Variants in NAALADL2 observed in about 807,000 individuals in gnomAD.
The protein encoded by NAALADL2 is N-acetylated alpha-linked acidic dipeptidase like 2.
A neutral mutation model predicts 87.2 loss-of-function variants in NAALADL2; 76 were observed. The observed-to-expected ratio is 0.87, with a 90% CI of 0.72 to 1.05. The LOEUF (loss-of-function observed/expected upper bound fraction) is 1.05, where lower values mean the gene tolerates loss of function less well. NAALADL2 is among the 50% of genes least tolerant of loss of function. The probability of loss-of-function intolerance (pLI) is 0.00; values close to 1 mark genes in which losing one functional copy is unlikely to be tolerated. For missense variants in NAALADL2, 1,089 were observed against 945.8 expected (o/e 1.15, Z -1.99); for synonymous variants, 354 against 331.0 (o/e 1.07, Z -0.75).
intron 2 of NAALADL2, chr3:174,551,129 A>G (rs1218021209): frequency 3.3e-5 from 5 of 152,130 alleles, no homozygotes; most frequent in African/African-American, 1.2e-4. Flanking sequence ...TATCTTCTAA[A>G]GCTATCCCTG....
intron 1 of NAALADL2, among the ~76,000 whole-genome samples, chr3:175,047,545 T>G (rs1213544205): frequency 6.6e-6 from 1 of 152,118 alleles, no homozygotes; most frequent in Non-Finnish European, 1.5e-5. Flanking sequence ...AGTTGTAACA[T>G]ACATAGAAAC....
intron 9 of NAALADL2, among the ~76,000 whole-genome samples, chr3:175,550,221 T>C (rs73884444): frequency 0.012 from 1,828 of 152,260 alleles, 41 homozygotes; most frequent in African/African-American, 0.042. Flanking sequence ...AACATGATAT[T>C]TTAAAAGTAT....
intron 1 of NAALADL2, among the ~76,000 whole-genome samples, chr3:174,890,718 A>G (rs1470315565): frequency 2.0e-5 from 3 of 152,146 alleles, no homozygotes; most frequent in Non-Finnish European, 4.4e-5. Flanking sequence ...TAACATATGC[A>G]TAATATCAGA....
chr3:175,707,786 T>A (rs941937429), intron 11 of NAALADL2, among the ~76,000 whole-genome samples: 1 of 152,078 alleles, frequency 6.6e-6, no homozygotes, highest in African/African-American at 2.4e-5. Flanking sequence ...AAAAGGTAGA[T>A]CTTGACCCTG....
intron 5 of NAALADL2, among the ~76,000 whole-genome samples, chr3:175,343,114 A>C (rs1038743597): frequency 1.3e-5 from 2 of 152,076 alleles, no homozygotes; most frequent in African/African-American, 2.4e-5. Flanking sequence ...ATAACTTTCA[A>C]AGCAGTATAT....
chr3:175,524,310 G>T (rs1560701584), intron 9 of NAALADL2, among the ~76,000 whole-genome samples: 1 of 152,262 alleles, frequency 6.6e-6, no homozygotes, highest in East Asian at 1.9e-4. Flanking sequence ...ATTATCTAGA[G>T]CAAGGTTTCT....
At chr3:174,854,845 T>C (rs1242860441), upstream of NAALADL2, among the ~76,000 whole-genome samples, 24 of 145,422 alleles carry the variant, frequency 1.7e-4, no homozygotes, top group African/African-American at 4.6e-4. Flanking sequence ...CTTTTTTTTT[T>C]TTTTTTTTTT....
intron 2 of NAALADL2, among the ~76,000 whole-genome samples, chr3:175,142,590 C>T (rs1177463129): frequency 1.3e-5 from 2 of 151,058 alleles, no homozygotes; most frequent in Admixed American, 6.6e-5. Context: ...TATTCCCAAC[C>T]GTCCTCTATT....
At chr3:174,679,649 C>G (rs1376686119) in intron 2 of NAALADL2, among the ~76,000 whole-genome samples, 2 of 152,142 alleles carry the variant, frequency 1.3e-5, no homozygotes, top group Non-Finnish European at 2.9e-5. Context: ...TCGTTCCACC[C>G]ACTCAGCTGG....
chr3:175,634,699 A>C (rs1728269989), intron 11 of NAALADL2, among the ~76,000 whole-genome samples: 1 of 151,972 alleles, frequency 6.6e-6, no homozygotes, highest in Non-Finnish European at 1.5e-5. Flanking sequence ...AATGTTGATA[A>C]ATTGTTTGAA....
At chr3:175,791,801 T>C (rs1043106208) in intron 13 of NAALADL2, among the ~76,000 whole-genome samples, 1 of 151,584 alleles carries the variant, frequency 6.6e-6, no homozygotes, top group Non-Finnish European at 1.5e-5. Flanking sequence ...TATTTTTTTC[T>C]TAAATTGTAC....
At chr3:175,075,152 A>G (rs1226726614) in intron 1 of NAALADL2, among the ~76,000 whole-genome samples, 13 of 152,110 alleles carry the variant, frequency 8.5e-5, no homozygotes. Context: ...GAGAAAATTG[A>G]ATTTCAGAGT....
At position 175,722,548 on chromosome 3, in the gene NAALADL2, A is replaced by G. The variant is rs192478033; in HGVS notation, c.1897-14758A>G. The stretch of plus-strand genomic sequence containing the variant: ...ACAAAGACGTTGTTAGCAATTTATC[A>G]TAACGAAGGTAAAAATAAAATATGT... On this transcript the variant is annotated intron_variant, in intron 11 of 13. Coordinates refer to ENST00000454872, the MANE Select transcript of NAALADL2 (RefSeq NM_207015.3). 3.3e-3 allele frequency among the ~76,000 whole-genome samples: 500 copies of G among 152,276 alleles called. 1 individual carries two copies. The highest frequency in any genetic ancestry group is 4.9e-3 in the Non-Finnish European group (333 of 68,012).
At chr3:175,679,808 A>G (rs1272825390) in intron 11 of NAALADL2, among the ~76,000 whole-genome samples, 1 of 152,156 alleles carries the variant, frequency 6.6e-6, no homozygotes, top group East Asian at 1.9e-4. Context: ...TGCTTATGTC[A>G]TGCATTTCAG....
chr3:174,466,045 G>A (rs189324627), intron 1 of NAALADL2, among the ~76,000 whole-genome samples: 2 of 152,238 alleles, frequency 1.3e-5, no homozygotes, highest in Non-Finnish European at 2.9e-5. Flanking sequence ...CTTCAAACAA[G>A]GTTACCAGGT....
chr3:175,194,714 G>A (rs774391819), intron 2 of NAALADL2, among the ~76,000 whole-genome samples: 1 of 151,724 alleles, frequency 6.6e-6, no homozygotes, highest in Non-Finnish European at 1.5e-5. Context: ...CTCAGTTGGT[G>A]TGTATTCACA....
At chr3:174,480,414 C>G (rs1717478528) in intron 1 of NAALADL2, among the ~76,000 whole-genome samples, 1 of 151,946 alleles carries the variant, frequency 6.6e-6, no homozygotes, top group African/African-American at 2.4e-5. Context: ...TTGGAATGGT[C>G]CCACCCTACC....
At chr3:175,685,893 T>C (rs950756656) in intron 11 of NAALADL2, among the ~76,000 whole-genome samples, 1 of 152,212 alleles carries the variant, frequency 6.6e-6, no homozygotes, top group Non-Finnish European at 1.5e-5. Context: ...CTGCTTTATT[T>C]AGAACACGTT....
chr3:175,469,249 C>T (rs1213861581), intron 8 of NAALADL2, among the ~76,000 whole-genome samples: 3 of 151,986 alleles, frequency 2.0e-5, no homozygotes, highest in African/African-American at 7.2e-5. Context: ...TTCATGAAGC[C>T]ATTTTGTAAA....
Sources: gnomAD v4.1 joint callset for allele counts (sites outside exome capture counted in the v4.1 genomes callset) on GRCh38, gnomAD v4.1.1 for gene constraint, MANE v1.5 for transcripts, NCBI Gene and HGNC (gene_info 2026-07-23, HGNC 2026-07-21) for gene names.